The following ZC3H4 variants were observed in gnomAD, a reference collection of about 807,000 sequenced individuals.
ZC3H4 encodes zinc finger CCCH-type containing 4.
ZC3H4 carries 13 observed loss-of-function variants against 108.3 expected under a neutral mutation model. The observed-to-expected ratio is 0.12, with a 90% CI of 0.08 to 0.19. ZC3H4 has a LOEUF of 0.19. Ranked by LOEUF, ZC3H4 falls within the 10% of genes least tolerant of loss-of-function variation. The pLI is 1.00. For synonymous variants in ZC3H4, 917 were observed against 749.6 expected (o/e 1.22, Z -3.65); for missense variants, 1,734 against 1,838.8 (o/e 0.94, Z 1.04).
At chr19:47,089,704 C>G (rs2057696917) in intron 5 of ZC3H4, among the ~76,000 whole-genome samples, 1 of 101,080 alleles carries the variant, frequency 9.9e-6, no homozygotes, top group Non-Finnish European at 3.0e-5. Context: ...CTGTTCCCTT[C>G]TCCCCCCACA....
chr19:47,072,449 GCTGCGGGGA>G lies in ZC3H4; in HGVS notation c.1696_1704del (p.Ser566_Gln568del). Reference sequence around the variant, plus strand: ...TTGTACATGTCCTGCTGCTGCAGCTGCTGCGGGGACAGTGGCTCATGCACCGGCATGGGC... The same window carrying G: ...TTGTACATGTCCTGCTGCTGCAGCTGCAGTGGCTCATGCACCGGCATGGGC... On this transcript the variant is annotated inframe_deletion, in exon 12 of 15. Coordinates refer to ENST00000253048, the MANE Select transcript of ZC3H4 (RefSeq NM_015168.2). The surrounding 1 kb of genome is among the most constrained non-coding windows in gnomAD (Gnocchi z 5.6). 6.2e-7 allele frequency: 1 copy of G among 1,610,002 alleles called. No individual in the cohort carries two copies. Among genetic ancestry groups the G allele is most frequent in the South Asian group, 1.1e-5 (1 of 90,472 alleles).
chr19:47,091,345 C>T (rs1006325118), intron 4 of ZC3H4, among the ~76,000 whole-genome samples: 1 of 152,096 alleles, frequency 6.6e-6, no homozygotes, highest in Non-Finnish European at 1.5e-5. Context: ...CCCAGGCAGG[C>T]AGATCTCTTG....
intron 1 of ZC3H4, 33 bp from the exon 2 acceptor site, chr19:47,112,622 A>T: frequency 8.2e-7 from 1 of 1,218,098 alleles, no homozygotes; most frequent in Non-Finnish European, 1.0e-6. Flanking sequence ...ATGCACGAAA[A>T]AGGACTGCTT....
intron 9 of ZC3H4, among the ~76,000 whole-genome samples, chr19:47,082,933 T>C (rs923886716): frequency 1.3e-5 from 2 of 152,206 alleles, no homozygotes; most frequent in Admixed American, 1.3e-4. Context: ...AAATCCAGGA[T>C]TGTGTTCTCC....
intron 5 of ZC3H4, 58 bp downstream of exon 5, chr19:47,089,909 G>T: frequency 6.3e-7 from 1 of 1,576,412 alleles, no homozygotes; most frequent in East Asian, 2.2e-5. Flanking sequence ...CCAGGCCACC[G>T]GGGTTGGCCC....
At chr19:47,099,991 G>C (rs1190181884) in intron 2 of ZC3H4, among the ~76,000 whole-genome samples, 2 of 152,136 alleles carry the variant, frequency 1.3e-5, no homozygotes, top group African/African-American at 2.4e-5. Flanking sequence ...AAATTGCCTG[G>C]GTAGGCTCTG....
At chr19:47,089,885 G>A (rs2057700010) in intron 5 of ZC3H4, 82 bp downstream of exon 5, 2 of 1,451,256 alleles carry the variant, frequency 1.4e-6, no homozygotes, top group South Asian at 2.4e-5. Flanking sequence ...GACCAAACTT[G>A]AGGTTCTGTG....
chr19:47,089,569 G>A (rs2057694585), intron 5 of ZC3H4, among the ~76,000 whole-genome samples: 1 of 152,216 alleles, frequency 6.6e-6, no homozygotes, highest in Non-Finnish European at 1.5e-5. Context: ...TCAAGGTTCA[G>A]AGGTGTGGCA....
At chr19:47,074,275 G>A (rs951847372) in intron 11 of ZC3H4, among the ~76,000 whole-genome samples, 3 of 152,160 alleles carry the variant, frequency 2.0e-5, no homozygotes, top group African/African-American at 7.2e-5. Flanking sequence ...TGCCAACACT[G>A]CCTATGCCTT....
chr19:47,088,633 G>A (rs2057675619), intron 5 of ZC3H4, among the ~76,000 whole-genome samples: 1 of 152,092 alleles, frequency 6.6e-6, no homozygotes, highest in African/African-American at 2.4e-5. Context: ...ACTCCAGGAT[G>A]GGTGACAGAG....
chr19:47,085,120 C>T lies in ZC3H4; in HGVS notation c.1043G>A (p.Ser348Asn), dbSNP rs1433132674. The change falls in exon 8 of 15, where the codon AGC (serine) becomes AAC (asparagine). Residue 348 changes from serine (S) to asparagine (N), a missense_variant. By Grantham distance (46) the Ser-to-Asn change is conservative (BLOSUM62 1). This residue lies in a region of ZC3H4 where 403 missense variants were observed against 457.0 expected (regional missense o/e 0.88). Transcript: ENST00000253048. ...GMGRGRGRGGSRGGMNKGGMN... is the reference protein window; with the variant it reads ...GMGRGRGRGGNRGGMNKGGMN... ...TCCGCCCTTGTTCATCCCTCCTCGG[C>T]TGCCACCTCGGCCTCGGCCCCGACC... is the stretch of plus-strand genomic sequence containing the variant. 4 of 1,614,144 alleles carry T rather than the reference C, an allele frequency of 2.5e-6. No homozygotes were observed. The highest frequency in any genetic ancestry group is 3.3e-5 in the Admixed American group (2 of 60,008).
intron 4 of ZC3H4, 96 bp downstream of exon 4, chr19:47,093,874 C>T (rs1446176381): frequency 9.2e-7 from 1 of 1,082,024 alleles, no homozygotes; most frequent in Non-Finnish European, 1.4e-6. Context: ...GACTGAAACT[C>T]ACAAAAAATG....
At position 47,112,262 on chromosome 19, in the gene ZC3H4, G is replaced by C. The variant is rs372794675; in HGVS notation, c.161+162C>G. ...GGAGAGAAAGCAAGCGAGAAAGAGC[G>C]AGCGAGCAAGCGATCGAGAGACACC... On this transcript the variant is annotated intron_variant, in intron 2 of 14. Coordinates refer to ENST00000253048, the MANE Select transcript of ZC3H4 (RefSeq NM_015168.2). The C allele has an allele frequency of 9.7e-6, 11 of 1,138,346 alleles. No homozygotes were observed. The African/African-American group carries it at 1.4e-4, about 15-fold the overall frequency. The allele number at this position is 1,138,346 out of a possible 1,614,324, so 70.5% of individuals were successfully genotyped here.
chr19:47,080,244 T>G (rs559502100), intron 11 of ZC3H4, among the ~76,000 whole-genome samples: 4 of 152,202 alleles, frequency 2.6e-5, no homozygotes, highest in Non-Finnish European at 5.9e-5. Context: ...GACTGATGTT[T>G]GGGTATTTAA....
intron 13 of ZC3H4, among the ~76,000 whole-genome samples, chr19:47,070,037 G>A (rs534719399): frequency 5.3e-5 from 8 of 152,248 alleles, no homozygotes; most frequent in African/African-American, 9.6e-5. Context: ...ACGTGGGGAC[G>A]CAGCAGGCGT....
intron 11 of ZC3H4, among the ~76,000 whole-genome samples, chr19:47,079,822 G>C (rs2057489884): frequency 6.6e-6 from 1 of 152,222 alleles, no homozygotes; most frequent in Admixed American, 6.5e-5. Context: ...AGGAGGTAGA[G>C]GTTGCAGGGA....
chr19:47,066,177 T>C lies in ZC3H4; in HGVS notation c.*179A>G, dbSNP rs557009293. Reference sequence around the variant, plus strand: ...GAACTTAAGATGGTTATATACAATTTACAAATCTCAAAGAAAGTACTACTT... The same window carrying C: ...GAACTTAAGATGGTTATATACAATTCACAAATCTCAAAGAAAGTACTACTT... On this transcript the variant is annotated 3_prime_UTR_variant, in exon 15 of 15. Coordinates refer to ENST00000253048, the MANE Select transcript of ZC3H4 (RefSeq NM_015168.2). The C allele has an allele frequency of 3.7e-6, 2 of 547,166 alleles. No individual in the cohort carries two copies. The highest frequency in any genetic ancestry group is 3.8e-5 in the Admixed American group (1 of 26,604). 33.9% of individuals were successfully genotyped at this position (547,166 alleles called of 1,614,324 possible).
chr19:47,067,270 CGGGCACGGG>C lies in ZC3H4; in HGVS notation c.2989_2997del (p.Pro997_Pro999del). 2 of 1,588,926 alleles carry C rather than the reference CGGGCACGGG, an allele frequency of 1.3e-6. No homozygotes were observed. The highest frequency in any genetic ancestry group is 1.7e-6 in the Non-Finnish European group (2 of 1,167,448). ...AGGGTGGGCATGGATTGCAGGGCCG[CGGGCACGGG>C]GGGCACTGCGTCCTGCTTGGGGATG... On this transcript the variant is annotated inframe_deletion, in exon 15 of 15. Transcript: ENST00000253048. The surrounding 1 kb of genome is among the most constrained non-coding windows in gnomAD (Gnocchi z 6.4).
intron 11 of ZC3H4, among the ~76,000 whole-genome samples, chr19:47,073,151 T>C (rs886361997): frequency 6.6e-6 from 1 of 151,978 alleles, no homozygotes; most frequent in Non-Finnish European, 1.5e-5. Flanking sequence ...TGCACGCCTG[T>C]AGTCTCAGCT....
Sources: gnomAD v4.1 joint callset for allele counts (sites outside exome capture counted in the v4.1 genomes callset) on GRCh38, gnomAD v4.1.1 for gene constraint, gnomAD v4.1.1 regional missense constraint, Gnocchi (gnomAD v3.1) non-coding constraint, MANE v1.5 for transcripts, NCBI Gene and HGNC (gene_info 2026-07-23, HGNC 2026-07-21) for gene names.